Variants in PTCHD4 observed in about 807,000 individuals in gnomAD.
PTCHD4 encodes the protein patched domain containing 4.
Under a neutral mutation model 58.1 loss-of-function variants are expected in PTCHD4, and 33 were observed. That is an observed-to-expected ratio of 0.57 (90% CI 0.43 to 0.76). The LOEUF (loss-of-function observed/expected upper bound fraction) is 0.76. Among genes scored for constraint, PTCHD4 ranks in the 30% least tolerant of loss-of-function variants. The pLI, the probability that PTCHD4 is intolerant of heterozygous loss-of-function variation, is 0.00. For missense variants in PTCHD4, 1,058 were observed against 1,027.1 expected, an observed-to-expected ratio of 1.03 and a Z score of -0.41; for synonymous variants, 478 against 409.6, an observed-to-expected ratio of 1.17 and a Z score of -2.02.
At chr6:47,993,994 G>A (rs753544630) in intron 4 of PTCHD4, among the ~76,000 whole-genome samples, 11 of 152,132 alleles carry the variant, frequency 7.2e-5, no homozygotes, top group African/African-American at 1.2e-4. Flanking sequence ...AGTGCCTGAC[G>A]ATGGCTGTAG....
In PTCHD4 at chr6:48,068,492, G is replaced by T. The variant is rs1438027502; in HGVS notation, c.155C>A (p.Thr52Asn). 1 of 1,613,438 alleles carries T rather than the reference G, an allele frequency of 6.2e-7. No homozygotes were observed. Among genetic ancestry groups the T allele is most frequent in the Non-Finnish European group, 8.5e-7 (1 of 1,179,822 alleles). Reference protein sequence around the residue: ...FLTVPAVLTITFGLSALNRFQ... With the variant: ...FLTVPAVLTINFGLSALNRFQ... ...GCGGTTGAGCGCGCTGAGGCCGAAG[G>T]TGATTGTCAGGACTGCGGGCACGGT... The change falls in exon 3 of 5, where the codon ACC (threonine) becomes AAC (asparagine). Residue 52 changes from threonine to asparagine, a missense_variant. Thr to Asn is a moderately conservative substitution (Grantham distance 65, BLOSUM62 0). Coordinates refer to ENST00000339488, the MANE Select transcript of PTCHD4 (RefSeq NM_001384253.1). The surrounding 1 kb of genome is among the most constrained non-coding windows in gnomAD (Gnocchi z 4.2).
At chr6:47,914,711 T>G (rs1362304052) in intron 4 of PTCHD4, among the ~76,000 whole-genome samples, 1 of 82,818 alleles carries the variant, frequency 1.2e-5, no homozygotes, top group East Asian at 5.6e-4. Context: ...TCTGTCTGTC[T>G]CTCTGTCTGT....
At chr6:47,988,627 G>A (rs936213882) in intron 4 of PTCHD4, among the ~76,000 whole-genome samples, 4 of 152,144 alleles carry the variant, frequency 2.6e-5, no homozygotes, top group Non-Finnish European at 5.9e-5. Context: ...TCTTGTGGTA[G>A]TGAATAGGTC....
At chr6:48,025,491 TAGTC>T (rs1763213095) in intron 3 of PTCHD4, among the ~76,000 whole-genome samples, 1 of 152,220 alleles carries the variant, frequency 6.6e-6, no homozygotes, top group Non-Finnish European at 1.5e-5. Flanking sequence ...ATTTTGCAAG[TAGTC>T]AGAGAATTCA....
chr6:48,001,396 G>C (rs532615444), intron 4 of PTCHD4, among the ~76,000 whole-genome samples: 1 of 152,250 alleles, frequency 6.6e-6, no homozygotes, highest in East Asian at 1.9e-4. Context: ...GCATGGTACT[G>C]GTACCAAAAC....
At chr6:47,885,893 C>T (rs936324585) in intron 4 of PTCHD4, among the ~76,000 whole-genome samples, 1 of 152,084 alleles carries the variant, frequency 6.6e-6, no homozygotes, top group Non-Finnish European at 1.5e-5. Flanking sequence ...ATCTCAGCTC[C>T]CTGCTACCTC....
rs112542014 is a variant in PTCHD4 at position 47,946,098 on chromosome 6, A to T, written c.898+62536T>A. Among the ~76,000 whole-genome samples the T allele has an allele frequency of 7.3e-3, 1,117 of 152,152 alleles. 11 individuals are homozygous for T. Among genetic ancestry groups the T allele is most frequent in the African/African-American group, 0.025 (1,051 of 41,558 alleles). On this transcript the variant is annotated intron_variant, in intron 4 of 4. Coordinates refer to ENST00000339488, the MANE Select transcript of PTCHD4 (RefSeq NM_001384253.1). ...GTAAATATGATACTGATTCTTTGAA[A>T]TTTGTTGAATCTTGATATAAGGTCC... is the stretch of plus-strand genomic sequence containing the variant.
chr6:48,005,895 A>G (rs1762419668), intron 4 of PTCHD4, among the ~76,000 whole-genome samples: 1 of 152,206 alleles, frequency 6.6e-6, no homozygotes, highest in East Asian at 1.9e-4. Context: ...GCCCAATATA[A>G]CACACAGAGT....
At chr6:47,948,484 C>T (rs1027194565) in intron 4 of PTCHD4, among the ~76,000 whole-genome samples, 1 of 152,172 alleles carries the variant, frequency 6.6e-6, no homozygotes, top group African/African-American at 2.4e-5. Context: ...GTGAGGGCTA[C>T]CACAATTTGT....
Position 48,012,500 on chromosome 6 carries a change from A to G in PTCHD4, c.418-3386T>C, listed in dbSNP as rs142403013. On this transcript the variant is annotated intron_variant, in intron 3 of 4. Coordinates refer to ENST00000339488, the MANE Select transcript of PTCHD4 (RefSeq NM_001384253.1). ...TGAGACAGTGGGATTTTCTAAATGT[A>G]CAATAATGCCATCTGCAAACAGAAA... Among the ~76,000 whole-genome samples, 731 of 152,324 alleles carry G rather than the reference A, an allele frequency of 4.8e-3. 3 individuals carry two copies. Among genetic ancestry groups the G allele is most frequent in the African/African-American group, 0.016 (658 of 41,582 alleles).
Position 48,098,127 on chromosome 6 carries a change from G to T in PTCHD4, c.-970+12922C>A, listed in dbSNP as rs189209076. 1.6e-4 allele frequency among the ~76,000 whole-genome samples: 24 copies of T among 152,000 alleles called. 1 individual carries two copies. The East Asian group carries it at 4.1e-3, about 26-fold the overall frequency. ...TTCCTGGACATCAGGAAAAGCCCAG[G>T]AGCAAAAAACCCCTGAAGATACCTT... On this transcript the variant is annotated intron_variant, in intron 1 of 4. Coordinates refer to ENST00000339488, the MANE Select transcript of PTCHD4 (RefSeq NM_001384253.1).
intron 4 of PTCHD4, among the ~76,000 whole-genome samples, chr6:47,921,907 T>G (rs1340003852): frequency 1.3e-5 from 2 of 150,264 alleles, no homozygotes; most frequent in Admixed American, 6.6e-5. Flanking sequence ...GACCAGGAAT[T>G]TGAGACCAGC....
chr6:48,001,367 G>C (rs928058373), intron 4 of PTCHD4, among the ~76,000 whole-genome samples: 1 of 152,120 alleles, frequency 6.6e-6, no homozygotes, highest in Admixed American at 6.6e-5. Flanking sequence ...TATACTACAA[G>C]GCTACAGTAA....
At chr6:48,034,535 T>C (rs191059150) in intron 3 of PTCHD4, among the ~76,000 whole-genome samples, 5 of 152,242 alleles carry the variant, frequency 3.3e-5, no homozygotes, top group East Asian at 3.9e-4. Flanking sequence ...TAATATCTTA[T>C]AGAACAAGGC....
intron 4 of PTCHD4, among the ~76,000 whole-genome samples, chr6:47,932,547 A>G (rs1765861723): frequency 6.6e-6 from 1 of 152,236 alleles, no homozygotes; most frequent in Admixed American, 6.5e-5. Context: ...ACATGGTGTG[A>G]TTCAGTAACT....
chr6:48,041,300 T>G (rs1400333756), intron 3 of PTCHD4, among the ~76,000 whole-genome samples: 1 of 152,052 alleles, frequency 6.6e-6, no homozygotes, highest in African/African-American at 2.4e-5. Flanking sequence ...CTTAGTAATA[T>G]AGGACATCAG....
Position 47,879,750 on chromosome 6 carries a change from T to G in PTCHD4, c.1085A>C (p.Lys362Thr). Residue 362 changes from lysine to threonine, a missense_variant, in exon 5 of 5, where the codon AAG becomes ACG. By Grantham distance (78) the Lys-to-Thr change is moderately conservative. Transcript: ENST00000339488. ...ASPFTNIEAV[K>T]VFCQNMCVSI... ...GACACACATGTTTTGACAGAAGACC[T>G]TCACAGCCTCTATGTTTGTGAATGG... 6.2e-7 allele frequency: 1 copy of G among 1,613,688 alleles called. No individual in the cohort carries two copies. Among genetic ancestry groups the G allele is most frequent in the South Asian group, 1.1e-5 (1 of 91,076 alleles).
chr6:48,005,359 C>T (rs933842195), intron 4 of PTCHD4, among the ~76,000 whole-genome samples: 2 of 152,148 alleles, frequency 1.3e-5, no homozygotes, highest in African/African-American at 4.8e-5. Context: ...TCAAAGAAGT[C>T]ATCTTAGGAA....
chr6:47,891,716 A>G (rs1054320161), intron 4 of PTCHD4, among the ~76,000 whole-genome samples: 2 of 152,122 alleles, frequency 1.3e-5, no homozygotes, highest in Admixed American at 6.5e-5. Context: ...AGTCCATTTT[A>G]ATACCTTCTT....
Sources: allele counts gnomAD v4.1 joint callset (sites outside exome capture counted in the v4.1 genomes callset), GRCh38; gene constraint gnomAD v4.1.1; non-coding constraint Gnocchi (gnomAD v3.1); transcripts MANE v1.5; gene names NCBI Gene and HGNC (gene_info 2026-07-23, HGNC 2026-07-21).